The following TMEM132C variants were observed in gnomAD, a reference collection of about 807,000 sequenced individuals.
The protein encoded by TMEM132C is protein phosphatase 1, regulatory subunit 152.
In TMEM132C, 29 loss-of-function variants were observed where a neutral mutation model predicts 61.4. That is an observed-to-expected ratio of 0.47 (90% confidence interval 0.35 to 0.64). The LOEUF (loss-of-function observed/expected upper bound fraction) is 0.64, where lower values mean the gene tolerates loss of function less well. Ranked by LOEUF, TMEM132C falls within the 30% of genes least tolerant of loss-of-function variation. The pLI is 0.00. For missense variants in TMEM132C, 1,408 were observed against 1,476.9 expected (o/e 0.95, Z 0.76); for synonymous variants, 656 against 633.1 (o/e 1.04, Z -0.54).
chr12:128,331,586 A>G (rs1872667281), intron 1 of TMEM132C, among the ~76,000 whole-genome samples: 1 of 152,216 alleles, frequency 6.6e-6, no homozygotes, highest in African/African-American at 2.4e-5. Flanking sequence ...GTTGCTACAT[A>G]AAGCATGATT....
chr12:128,674,254 C>T (rs1452015035), intron 5 of TMEM132C, among the ~76,000 whole-genome samples: 2 of 152,174 alleles, frequency 1.3e-5, no homozygotes, highest in Admixed American at 1.3e-4. Context: ...GCGTTGTTTT[C>T]GAAGCTCATC....
chr12:128,680,193 G>T (rs1190038005), intron 5 of TMEM132C, among the ~76,000 whole-genome samples: 3 of 152,200 alleles, frequency 2.0e-5, no homozygotes, highest in African/African-American at 7.2e-5. Context: ...GGGTATTCTG[G>T]TTTGGGGTTT....
At chr12:128,480,765 G>C (rs1871293652) in intron 2 of TMEM132C, among the ~76,000 whole-genome samples, 1 of 152,324 alleles carries the variant, frequency 6.6e-6, no homozygotes, top group African/African-American at 2.4e-5. Flanking sequence ...GCTGGTGTGA[G>C]GGGGACACAG....
chr12:128,489,717 T>TA (rs1480285449), intron 2 of TMEM132C, among the ~76,000 whole-genome samples: 1 of 151,994 alleles, frequency 6.6e-6, no homozygotes, highest in African/African-American at 2.4e-5. Context: ...AATATAGATA[T>TA]AAAAAATTTC....
At chr12:128,639,932 A>G (rs80315696) in intron 4 of TMEM132C, among the ~76,000 whole-genome samples, 18,386 of 152,200 alleles carry the variant, frequency 0.12, 1,461 homozygotes, top group African/African-American at 0.23. Context: ...CAGAATCTTA[A>G]GATGAATTTT....
intron 1 of TMEM132C, among the ~76,000 whole-genome samples, chr12:128,383,462 C>T (rs576220564): frequency 1.3e-5 from 2 of 152,258 alleles, no homozygotes; most frequent in South Asian, 2.1e-4. Context: ...ATGCTTGAGC[C>T]GTTTCCCATG....
intron 3 of TMEM132C, among the ~76,000 whole-genome samples, chr12:128,600,128 G>A (rs923674792): frequency 1.5e-4 from 23 of 152,088 alleles, no homozygotes; most frequent in African/African-American, 2.9e-4. Context: ...GACTACAGAC[G>A]CCCGCCACTG....
intron 2 of TMEM132C, among the ~76,000 whole-genome samples, chr12:128,449,373 T>G (rs2136056065): frequency 6.6e-6 from 1 of 152,168 alleles, no homozygotes; most frequent in Admixed American, 6.5e-5. Flanking sequence ...CCCGGAGGCG[T>G]TTTTGTTTAC....
intron 1 of TMEM132C, among the ~76,000 whole-genome samples, chr12:128,382,088 C>T (rs577054557): frequency 1.1e-4 from 16 of 150,908 alleles, no homozygotes; most frequent in African/African-American, 3.4e-4. Flanking sequence ...ACTTTAATGG[C>T]GAAGCTGATT....
At chr12:128,432,838 G>A (rs759716898) in intron 2 of TMEM132C, among the ~76,000 whole-genome samples, 9 of 152,120 alleles carry the variant, frequency 5.9e-5, no homozygotes, top group Non-Finnish European at 1.0e-4. Flanking sequence ...AAACAGCATC[G>A]CGTACTACAG....
intron 1 of TMEM132C, among the ~76,000 whole-genome samples, chr12:128,375,830 A>G (rs1340580529): frequency 1.3e-5 from 2 of 152,214 alleles, no homozygotes; most frequent in African/African-American, 4.8e-5. Context: ...CAGGGAAAAG[A>G]GACGGATGCA....
chr12:128,603,274 A>G (rs1372670572), intron 3 of TMEM132C, among the ~76,000 whole-genome samples: 9 of 152,234 alleles, frequency 5.9e-5, no homozygotes, highest in African/African-American at 2.2e-4. Context: ...GTGAGGAGAC[A>G]GATGCTCCTC....
chr12:128,543,094 G>A lies in TMEM132C; in HGVS notation c.975-863G>A, dbSNP rs140736101. Among the ~76,000 whole-genome samples, 25 of 152,236 alleles carry A rather than the reference G, an allele frequency of 1.6e-4. No homozygotes were observed. In the East Asian group the frequency reaches 4.8e-3, roughly 29 times the overall value. On this transcript the variant is annotated intron_variant, in intron 2 of 8. Transcript: ENST00000435159. The stretch of plus-strand genomic sequence containing the variant: ...GCTAAGTGGTGTGATCAAAACAACA[G>A]CAGCTTTAGGAGGAGCTCTTTGCCT...
intron 1 of TMEM132C, among the ~76,000 whole-genome samples, chr12:128,296,930 A>G (rs1460074465): frequency 6.6e-6 from 1 of 152,198 alleles, no homozygotes; most frequent in African/African-American, 2.4e-5. Flanking sequence ...GAATTGCTAG[A>G]TTTAGACTAG....
At chr12:128,276,208 A>G (rs1184338950) in intron 1 of TMEM132C, among the ~76,000 whole-genome samples, 1 of 152,216 alleles carries the variant, frequency 6.6e-6, no homozygotes, top group Non-Finnish European at 1.5e-5. Context: ...CTTGGCATAT[A>G]GTAAAGTTCA....
At chr12:128,674,664 T>C (rs1230267105) in intron 5 of TMEM132C, among the ~76,000 whole-genome samples, 1 of 152,032 alleles carries the variant, frequency 6.6e-6, no homozygotes, top group Non-Finnish European at 1.5e-5. Flanking sequence ...CACTGTGGGG[T>C]GCCCTTTATT....
chr12:128,482,179 T>C (rs1871334032), intron 2 of TMEM132C, among the ~76,000 whole-genome samples: 1 of 152,222 alleles, frequency 6.6e-6, no homozygotes, highest in African/African-American at 2.4e-5. Flanking sequence ...TGGTTCTGTC[T>C]GTGTGATGGA....
intron 1 of TMEM132C, among the ~76,000 whole-genome samples, chr12:128,354,985 C>A (rs545984449): frequency 2.6e-5 from 4 of 152,324 alleles, no homozygotes; most frequent in African/African-American, 9.6e-5. Context: ...CTGCACACCC[C>A]CTCTAGAGGG....
intron 5 of TMEM132C, among the ~76,000 whole-genome samples, chr12:128,684,770 C>G (rs1372785104): frequency 6.6e-6 from 1 of 152,230 alleles, no homozygotes; most frequent in Non-Finnish European, 1.5e-5. Flanking sequence ...TTAGCCCTGA[C>G]TTTTCTCTGC....
Sources: allele counts gnomAD v4.1 joint callset (sites outside exome capture counted in the v4.1 genomes callset), GRCh38; gene constraint gnomAD v4.1.1; transcripts MANE v1.5; gene names NCBI Gene and HGNC (gene_info 2026-07-23, HGNC 2026-07-21).